RABGEF1: variants seen among roughly 807,000 people sequenced by gnomAD.
RABGEF1 encodes the protein RAB guanine nucleotide exchange factor 1.
In RABGEF1, 26 loss-of-function variants were observed where a neutral mutation model predicts 57.3. That is an observed-to-expected ratio of 0.45 (90% CI 0.33 to 0.63). RABGEF1 has a LOEUF of 0.63. Ranked by LOEUF, RABGEF1 falls within the 20% of genes least tolerant of loss-of-function variation. The pLI is 0.02. For synonymous variants in RABGEF1, 185 were observed against 210.7 expected, an observed-to-expected ratio of 0.88 and a Z score of 1.06; for missense variants, 464 against 607.6, an observed-to-expected ratio of 0.76 and a Z score of 2.48.
At chr7:66,712,323 T>G (rs1794865727) in intron 2 of RABGEF1, 1 of 152,242 alleles carries the variant, frequency 6.6e-6, no homozygotes, top group Non-Finnish European at 1.5e-5. Context: ...ATTTTATACC[T>G]ATGTACTTCG....
chr7:66,796,708 C>G (rs556948545), intron 5 of RABGEF1: 2 of 287,852 alleles, frequency 6.9e-6, no homozygotes, highest in African/African-American at 4.7e-5. Flanking sequence ...TCTCCTGTCT[C>G]AGCCCCCGAG....
the RABGEF1 span, among the ~76,000 whole-genome samples, chr7:66,670,894 T>TACACACACACAC: frequency 0.012 from 1,766 of 145,638 alleles, 9 homozygotes; most frequent in Middle Eastern, 0.022. Flanking sequence ...CACATACGTA[T>TACACACACACAC]ACACACACAC....
Position 66,804,802 on chromosome 7 carries a change from TG to T in RABGEF1, c.821-337del, listed in dbSNP as rs1358450855. 2.6e-5 allele frequency among the ~76,000 whole-genome samples: 4 copies of T among 151,504 alleles called. No individual in the cohort carries two copies. The East Asian group carries it at 7.8e-4, about 29-fold the overall frequency. On this transcript the variant is annotated intron_variant, in intron 7 of 8. Transcript: ENST00000284957. ...TAGACATGGTTTCAAATTCCCACCC[TG>T]CTACATACTGTCTGTATGATCTTGG...
chr7:66,761,878 C>T (rs1804462379), intron 1 of RABGEF1, among the ~76,000 whole-genome samples: 1 of 152,014 alleles, frequency 6.6e-6, no homozygotes, highest in Admixed American at 6.6e-5. Flanking sequence ...TGGTGAAACC[C>T]CATCTCTACC....
the RABGEF1 span, among the ~76,000 whole-genome samples, chr7:66,659,037 G>A: frequency 8.2e-4 from 125 of 152,202 alleles, no homozygotes; most frequent in South Asian, 1.7e-3. Flanking sequence ...GTGCCCGGCC[G>A]AGAAGGAAAC....
chr7:66,804,130 C>T (rs1354822403), intron 7 of RABGEF1, among the ~76,000 whole-genome samples: 2 of 150,356 alleles, frequency 1.3e-5, no homozygotes, highest in Non-Finnish European at 3.0e-5. Context: ...GTTGCCCAGG[C>T]TGGAGTGCTG....
At position 66,783,772 on chromosome 7, in the gene RABGEF1, C is replaced by T. The variant is rs1373709864; in HGVS notation, c.444C>T (p.Thr148=). 26 of 1,613,646 alleles carry T rather than the reference C, an allele frequency of 1.6e-5. No homozygotes were observed. Among genetic ancestry groups the T allele is most frequent in the East Asian group, 2.2e-5 (1 of 44,858 alleles). The change falls in exon 4 of 9, where the codon ACC becomes ACT. Residue 148 remains threonine (T), a synonymous_variant. Transcript: ENST00000284957. ...AGGAGTTCATAGAATTTCTCAAGAC[C>T]TTCCACAAGACAGGCCAAGAAATCT... ...VSKEFIEFLK[T]FHKTGQEIYK...
chr7:66,688,864 G>A (rs962961550), intron 1 of RABGEF1, among the ~76,000 whole-genome samples: 1 of 152,270 alleles, frequency 6.6e-6, no homozygotes, highest in South Asian at 2.1e-4. Flanking sequence ...AGGCCGAAGC[G>A]GGAGGATCAC....
chr7:66,783,327 A>G (rs369412392), intron 3 of RABGEF1, among the ~76,000 whole-genome samples: 1 of 151,990 alleles, frequency 6.6e-6, no homozygotes, highest in South Asian at 2.1e-4. Context: ...AGTTTTATAA[A>G]CTCCAGCAGT....
chr7:66,654,567 A>C, the RABGEF1 span: 6 of 152,768 alleles, frequency 3.9e-5, no homozygotes, highest in Non-Finnish European at 8.8e-5. Context: ...AACGGAGACC[A>C]GACCTACTGC....
intron 5 of RABGEF1, among the ~76,000 whole-genome samples, 197 bp downstream of exon 5, chr7:66,795,789 G>C (rs1391494752): frequency 6.6e-6 from 1 of 152,176 alleles, no homozygotes; most frequent in African/African-American, 2.4e-5. Context: ...AGGAGCAATT[G>C]GATAATTTAT....
chr7:66,763,293 TAGAG>T (rs573728995), intron 1 of RABGEF1, among the ~76,000 whole-genome samples: 113 of 152,344 alleles, frequency 7.4e-4, no homozygotes, highest in African/African-American at 1.9e-3. Context: ...TTGGAGGTGA[TAGAG>T]AGAGTCTCCT....
At chr7:66,675,778 CACAA>C in the RABGEF1 span, among the ~76,000 whole-genome samples, 6 of 152,086 alleles carry the variant, frequency 3.9e-5, no homozygotes, top group East Asian at 1.9e-4. Flanking sequence ...CATTTTTGCA[CACAA>C]ACAGTGAACA....
chr7:66,738,739 A>T (rs1055132423), upstream of RABGEF1, among the ~76,000 whole-genome samples: 7 of 151,858 alleles, frequency 4.6e-5, no homozygotes, highest in Middle Eastern at 3.4e-3. Flanking sequence ...CTCAAAAAAA[A>T]AAAAAAAAAA....
At chr7:66,772,336 T>A (rs1277941127) in intron 2 of RABGEF1, among the ~76,000 whole-genome samples, 1 of 152,216 alleles carries the variant, frequency 6.6e-6, no homozygotes, top group Non-Finnish European at 1.5e-5. Context: ...GACAATAAGC[T>A]CCTTGGAGTG....
intron 7 of RABGEF1, among the ~76,000 whole-genome samples, 187 bp downstream of exon 7, chr7:66,799,601 T>C (rs1473679970): frequency 6.6e-6 from 1 of 152,244 alleles, no homozygotes; most frequent in Non-Finnish European, 1.5e-5. Flanking sequence ...CTTTTACCCC[T>C]TTATTTTCAG....
intron 4 of RABGEF1, 89 bp from the exon 5 acceptor site, chr7:66,795,422 G>A (rs542451551): frequency 9.0e-7 from 1 of 1,105,572 alleles, no homozygotes; most frequent in Admixed American, 1.7e-5. Context: ...ACCAGTACAA[G>A]GAATGGCTTT....
chr7:66,700,752 TGTC>T (rs1013055730), intron 1 of RABGEF1, among the ~76,000 whole-genome samples: 69 of 152,310 alleles, frequency 4.5e-4, no homozygotes, highest in African/African-American at 1.6e-3. Flanking sequence ...CACTCTGCCT[TGTC>T]TCTTTCCATC....
chr7:66,719,575 T>A (rs1795778710), intron 2 of RABGEF1, among the ~76,000 whole-genome samples: 1 of 152,044 alleles, frequency 6.6e-6, no homozygotes, highest in East Asian at 1.9e-4. Context: ...TTCAAATAAT[T>A]AAGGAGGGAG....
Sources: gnomAD v4.1 joint callset for allele counts (sites outside exome capture counted in the v4.1 genomes callset) on GRCh38, gnomAD v4.1.1 for gene constraint, MANE v1.5 for transcripts, NCBI Gene and HGNC (gene_info 2026-07-23, HGNC 2026-07-21) for gene names.